The following FGF12 variants were observed in gnomAD, a reference collection of about 807,000 sequenced individuals.
The protein encoded by FGF12 is fibroblast growth factor 12.
In FGF12, 14 loss-of-function variants were observed where a neutral mutation model predicts 23.6. That is an observed-to-expected ratio of 0.59 (90% CI 0.39 to 0.93). The LOEUF (loss-of-function observed/expected upper bound fraction) is 0.93, where lower values mean the gene tolerates loss of function less well. Ranked by LOEUF, FGF12 falls within the 40% of genes least tolerant of loss-of-function variation. The pLI is 0.00. For missense variants in FGF12, 175 were observed against 217.8 expected, an observed-to-expected ratio of 0.80 and a Z score of 1.24; for synonymous variants, 62 against 77.3, an observed-to-expected ratio of 0.80 and a Z score of 1.04.
intron 2 of FGF12, among the ~76,000 whole-genome samples, chr3:192,451,057 G>A (rs1175991588): frequency 1.3e-5 from 2 of 152,164 alleles, no homozygotes; most frequent in Non-Finnish European, 2.9e-5. Flanking sequence ...CATGATCTGT[G>A]CTCTACTTTG....
At chr3:192,474,897 A>AAAAAAAAAG (rs60312309) in intron 2 of FGF12, among the ~76,000 whole-genome samples, 1 of 149,126 alleles carries the variant, frequency 6.7e-6, no homozygotes, top group African/African-American at 2.6e-5. Flanking sequence ...AAAAAAAAAA[A>AAAAAAAAAG]AAAGAAAGAA....
At chr3:192,599,966 C>A (rs939337728) in intron 2 of FGF12, among the ~76,000 whole-genome samples, 2 of 152,050 alleles carry the variant, frequency 1.3e-5, no homozygotes, top group East Asian at 3.9e-4. Context: ...CTTTCCTGTG[C>A]CAGTGTCCTG....
At chr3:192,693,152 C>G (rs892963499) in intron 2 of FGF12, among the ~76,000 whole-genome samples, 4 of 150,860 alleles carry the variant, frequency 2.7e-5, no homozygotes, top group African/African-American at 9.8e-5. Context: ...TATTACCTGT[C>G]CAAAAAAGAA....
At chr3:192,331,353 C>T (rs182919603) in intron 4 of FGF12, among the ~76,000 whole-genome samples, 4 of 146,976 alleles carry the variant, frequency 2.7e-5, no homozygotes, top group Non-Finnish European at 4.5e-5. Context: ...AACAGAATTA[C>T]CATATAATCC....
intron 2 of FGF12, among the ~76,000 whole-genome samples, chr3:192,373,886 C>T (rs537963948): frequency 3.3e-5 from 5 of 152,320 alleles, no homozygotes; most frequent in African/African-American, 7.2e-5. Flanking sequence ...TGGCCGACTC[C>T]AAGAAGCATA....
chr3:192,174,336 A>G (rs551865780), intron 4 of FGF12, among the ~76,000 whole-genome samples: 1 of 152,286 alleles, frequency 6.6e-6, no homozygotes, highest in African/African-American at 2.4e-5. Flanking sequence ...GCTTTGAACT[A>G]CTAAATTGAC....
At chr3:192,680,259 G>C (rs1265326877) in intron 2 of FGF12, among the ~76,000 whole-genome samples, 1 of 152,140 alleles carries the variant, frequency 6.6e-6, no homozygotes, top group Non-Finnish European at 1.5e-5. Context: ...AGAAAAAGTG[G>C]GGAATGATTA....
intron 2 of FGF12, among the ~76,000 whole-genome samples, chr3:192,724,167 C>T (rs1451107609): frequency 6.6e-6 from 1 of 152,048 alleles, no homozygotes; most frequent in Non-Finnish European, 1.5e-5. Context: ...CACTCCAAAT[C>T]ATGCTTCTCA....
At chr3:192,496,095 G>C (rs1385876439) in intron 2 of FGF12, among the ~76,000 whole-genome samples, 1 of 152,192 alleles carries the variant, frequency 6.6e-6, no homozygotes, top group East Asian at 1.9e-4. Context: ...ACCATTAGCA[G>C]CCTCTAGTCA....
At chr3:192,302,629 G>A (rs925316306) in intron 4 of FGF12, among the ~76,000 whole-genome samples, 2 of 152,136 alleles carry the variant, frequency 1.3e-5, no homozygotes, top group Admixed American at 6.6e-5. Flanking sequence ...GTCATTCAAC[G>A]GGCTCAGAAT....
intron 2 of FGF12, among the ~76,000 whole-genome samples, chr3:192,450,850 A>T (rs982523226): frequency 1.3e-5 from 2 of 152,194 alleles, no homozygotes; most frequent in Admixed American, 6.5e-5. Flanking sequence ...TACTTATTTC[A>T]GTTGCCAGAA....
chr3:192,508,784 T>C (rs564976751), intron 2 of FGF12, among the ~76,000 whole-genome samples: 11 of 152,340 alleles, frequency 7.2e-5, no homozygotes, highest in South Asian at 2.1e-4. Flanking sequence ...AGCTCTCATC[T>C]GTCATACCCC....
intron 2 of FGF12, among the ~76,000 whole-genome samples, chr3:192,709,311 T>G (rs1006113421): frequency 6.6e-6 from 1 of 152,218 alleles, no homozygotes; most frequent in Non-Finnish European, 1.5e-5. Context: ...CCATTCTCTC[T>G]TTATGGCATT....
chr3:192,266,829 C>T (rs1713108414), intron 4 of FGF12, among the ~76,000 whole-genome samples: 1 of 151,260 alleles, frequency 6.6e-6, no homozygotes. Flanking sequence ...CACACATACA[C>T]TACCTCACAC....
intron 2 of FGF12, among the ~76,000 whole-genome samples, chr3:192,489,007 T>C (rs1723720873): frequency 6.6e-6 from 1 of 152,062 alleles, no homozygotes; most frequent in East Asian, 1.9e-4. Context: ...CTTTAATTTA[T>C]GCATCATAGA....
intron 2 of FGF12, among the ~76,000 whole-genome samples, chr3:192,392,628 GA>G (rs1720353455): frequency 2.7e-5 from 3 of 112,656 alleles, no homozygotes; most frequent in Non-Finnish European, 3.6e-5. Flanking sequence ...GAGAGAGAGA[GA>G]GAGAGGAAGG....
intron 4 of FGF12, among the ~76,000 whole-genome samples, chr3:192,262,643 C>G (rs1418099141): frequency 2.6e-5 from 4 of 152,136 alleles, no homozygotes; most frequent in Admixed American, 6.6e-5. Context: ...GAACCAGAGT[C>G]TATACCATTC....
chr3:192,659,501 C>T (rs767512165), intron 2 of FGF12, among the ~76,000 whole-genome samples: 2 of 152,092 alleles, frequency 1.3e-5, no homozygotes, highest in Non-Finnish European at 2.9e-5. Flanking sequence ...ATCTTACATC[C>T]CCCTTCCCAC....
chr3:192,381,520 T>C lies in FGF12; in HGVS notation c.14-20982A>G, dbSNP rs545012117. On this transcript the variant is annotated intron_variant, in intron 2 of 5. Coordinates refer to ENST00000445105, the MANE Select transcript of FGF12 (RefSeq NM_004113.6). Reference sequence around the variant, plus strand: ...TGTCAGAAAGAAACTAAATAAATAATGCCACAATCAGTTATTATAATTACA... The same window carrying C: ...TGTCAGAAAGAAACTAAATAAATAACGCCACAATCAGTTATTATAATTACA... 4.6e-5 allele frequency among the ~76,000 whole-genome samples: 7 copies of C among 152,180 alleles called. 1 individual carries two copies. Among genetic ancestry groups the C allele is most frequent in the African/African-American group, 4.8e-5 (2 of 41,518 alleles).
Sources: allele counts gnomAD v4.1 joint callset (sites outside exome capture counted in the v4.1 genomes callset), GRCh38; gene constraint gnomAD v4.1.1; transcripts MANE v1.5; gene names NCBI Gene and HGNC (gene_info 2026-07-23, HGNC 2026-07-21).